The following DOCK7 variants were observed in gnomAD, a reference collection of about 807,000 sequenced individuals.
The protein encoded by DOCK7 is dedicator of cytokinesis 7.
DOCK7 carries 138 observed loss-of-function variants against 271.0 expected under a neutral mutation model. That is an observed-to-expected ratio of 0.51 (90% confidence interval 0.44 to 0.59). The LOEUF is 0.59. Ranked by LOEUF, DOCK7 falls within the 20% of genes least tolerant of loss-of-function variation. The pLI is 0.00. For synonymous variants in DOCK7, 823 were observed against 876.1 expected (o/e 0.94, Z 1.07); for missense variants, 2,066 against 2,592.4 (o/e 0.80, Z 4.41).
intron 16 of DOCK7, among the ~76,000 whole-genome samples, chr1:62,581,520 A>G (rs557049656): frequency 3.3e-5 from 5 of 152,304 alleles, no homozygotes; most frequent in African/African-American, 1.2e-4. Flanking sequence ...GAGTATGTCC[A>G]GTAGGCCACT....
At chr1:62,515,394 GA>G (rs1414308760) in intron 31 of DOCK7, among the ~76,000 whole-genome samples, 18 of 152,244 alleles carry the variant, frequency 1.2e-4, no homozygotes, top group Admixed American at 1.2e-3. Context: ...TTCTCATAAG[GA>G]AAATGCTCCT....
intron 14 of DOCK7, among the ~76,000 whole-genome samples, chr1:62,589,470 A>AT (rs941232875): frequency 6.6e-6 from 1 of 151,024 alleles, no homozygotes; most frequent in South Asian, 2.1e-4. Flanking sequence ...CCAGACTCTT[A>AT]TTTTTTTTTC....
At chr1:62,477,008 T>C (rs1446314817) in intron 44 of DOCK7, 2 of 152,172 alleles carry the variant, frequency 1.3e-5, no homozygotes, top group Non-Finnish European at 2.9e-5. Flanking sequence ...ACAAATCACC[T>C]GGGGATCTTG....
At chr1:62,579,695 G>GAAAAAAAAAAAAAAAAAAAAAA (rs34924913) in intron 16 of DOCK7, among the ~76,000 whole-genome samples, 1 of 63,888 alleles carries the variant, frequency 1.6e-5, no homozygotes, top group Non-Finnish European at 2.9e-5. Context: ...GAGTGAGACC[G>GAAAAAAAAAAAAAAAAAAAAAA]AAAAAAAAAA....
chr1:62,581,700 T>TA (rs1245861887), intron 16 of DOCK7, among the ~76,000 whole-genome samples: 1 of 151,982 alleles, frequency 6.6e-6, no homozygotes, highest in Non-Finnish European at 1.5e-5. Flanking sequence ...GGCAAAACGT[T>TA]AGTGTTTTGT....
intron 33 of DOCK7, among the ~76,000 whole-genome samples, chr1:62,511,610 T>C (rs1234477659): frequency 6.6e-6 from 1 of 151,964 alleles, no homozygotes; most frequent in Non-Finnish European, 1.5e-5. Context: ...ATTAAAGAAA[T>C]ACAAAAAATA....
intron 34 of DOCK7, among the ~76,000 whole-genome samples, chr1:62,510,310 AT>A (rs1363487625): frequency 1.3e-5 from 2 of 152,236 alleles, no homozygotes; most frequent in Non-Finnish European, 2.9e-5. Flanking sequence ...TGTTCAAAAA[AT>A]AGTTGCTGAA....
At chr1:62,670,641 T>TG (rs951608477) in intron 1 of DOCK7, among the ~76,000 whole-genome samples, 8 of 152,226 alleles carry the variant, frequency 5.3e-5, no homozygotes, top group African/African-American at 1.9e-4. Flanking sequence ...GCTGCTCTGG[T>TG]GGGGCCTTGT....
chr1:62,613,279 A>G (rs187400594), intron 14 of DOCK7, among the ~76,000 whole-genome samples: 4 of 152,324 alleles, frequency 2.6e-5, no homozygotes, highest in Admixed American at 2.6e-4. Flanking sequence ...TGGTGCAGTA[A>G]GAAACAAGTC....
chr1:62,462,067 T>C (rs982708860), intron 48 of DOCK7, among the ~76,000 whole-genome samples: 2 of 122,362 alleles, frequency 1.6e-5, no homozygotes, highest in African/African-American at 6.6e-5. Context: ...ACAAAACTCA[T>C]CTCAAAAAAA....
At position 62,590,478 on chromosome 1, in the gene DOCK7, T is replaced by C. The variant is rs1185073536; in HGVS notation, c.1683-3854A>G. On this transcript the variant is annotated intron_variant, in intron 14 of 49. Transcript: ENST00000635253. ...CCTGAAGTATGTCTATAATTCCTCATTGCAATGTTTATTGAGTATCCAGTG... is the reference window on the plus strand; with the variant it reads ...CCTGAAGTATGTCTATAATTCCTCACTGCAATGTTTATTGAGTATCCAGTG... 2.0e-5 allele frequency among the ~76,000 whole-genome samples: 3 copies of C among 152,164 alleles called. 1 individual carries two copies. Among genetic ancestry groups the C allele is most frequent in the Non-Finnish European group, 2.9e-5 (2 of 68,040 alleles).
At chr1:62,487,045 G>A (rs777613250) in intron 43 of DOCK7, 9 of 170,514 alleles carry the variant, frequency 5.3e-5, no homozygotes, top group Non-Finnish European at 7.5e-5. Flanking sequence ...CACATAAATC[G>A]ACCTCTGTAA....
intron 22 of DOCK7, among the ~76,000 whole-genome samples, chr1:62,549,756 T>A (rs984956979): frequency 2.0e-5 from 3 of 152,144 alleles, no homozygotes; most frequent in African/African-American, 7.2e-5. Context: ...AAATACTAGA[T>A]CTTATGCACT....
chr1:62,530,143 T>A (rs1257768888), intron 29 of DOCK7, among the ~76,000 whole-genome samples: 1 of 152,238 alleles, frequency 6.6e-6, no homozygotes, highest in African/African-American at 2.4e-5. Context: ...TGGCCCTTAA[T>A]GCTGCATCCA....
At chr1:62,554,967 G>A (rs967907448) in intron 21 of DOCK7, among the ~76,000 whole-genome samples, 3 of 152,146 alleles carry the variant, frequency 2.0e-5, no homozygotes, top group South Asian at 2.1e-4. Flanking sequence ...ATTAGTCACC[G>A]TTATCAATGT....
intron 43 of DOCK7, 121 bp from the exon 44 acceptor site, chr1:62,477,946 A>G: frequency 9.0e-7 from 1 of 1,113,936 alleles, no homozygotes; most frequent in Non-Finnish European, 1.2e-6. Flanking sequence ...TTTTAATTCA[A>G]AATTATAATA....
chr1:62,668,760 T>C (rs1451342825), intron 1 of DOCK7, among the ~76,000 whole-genome samples: 6 of 151,668 alleles, frequency 4.0e-5, no homozygotes, highest in Non-Finnish European at 8.8e-5. Flanking sequence ...CAGGAGTCAA[T>C]AGTGTCTACC....
intron 12 of DOCK7, among the ~76,000 whole-genome samples, chr1:62,624,123 G>C (rs1220729837): frequency 6.6e-6 from 1 of 151,902 alleles, no homozygotes; most frequent in Non-Finnish European, 1.5e-5. Context: ...TAGTCACCTA[G>C]TCACTTACAA....
At chr1:62,607,332 C>G (rs916290588) in intron 14 of DOCK7, among the ~76,000 whole-genome samples, 1 of 152,160 alleles carries the variant, frequency 6.6e-6, no homozygotes, top group Admixed American at 6.5e-5. Context: ...AGCATGTTCC[C>G]AGTCACAGAA....
Sources: allele counts gnomAD v4.1 joint callset (sites outside exome capture counted in the v4.1 genomes callset), GRCh38; gene constraint gnomAD v4.1.1; transcripts MANE v1.5; gene names NCBI Gene and HGNC (gene_info 2026-07-23, HGNC 2026-07-21).